The following PSMB1 variants were observed in gnomAD, a reference collection of about 807,000 sequenced individuals.
PSMB1 encodes the protein proteasome 20S subunit beta 1, also known as proteasome subunit beta type-1.
A neutral mutation model predicts 25.4 loss-of-function variants in PSMB1; 7 were observed. That is an observed-to-expected ratio of 0.28 (90% CI 0.16 to 0.52). The LOEUF (loss-of-function observed/expected upper bound fraction) is 0.52. PSMB1 is among the 20% of genes least tolerant of loss of function. The probability of loss-of-function intolerance (pLI) is 0.97; values close to 1 mark genes in which losing one functional copy is unlikely to be tolerated. For synonymous variants in PSMB1, 119 were observed against 115.0 expected (o/e 1.03, Z -0.22); for missense variants, 284 against 302.2 (o/e 0.94, Z 0.45).
At position 170,553,135 on chromosome 6, in the gene PSMB1, G is replaced by C; in HGVS notation, c.108C>G (p.Asn36Lys). ...CAGCTCTCTGGGGTTTTTACCCTCC[G>C]TTGAAAACGTAGGGCGAAAATCGCA... The part of the protein sequence containing the change: ...LQLRFSPYVF[N>K]GGTILAIAGE... The change falls in exon 1 of 6, where the codon AAC becomes AAG. Residue 36 changes from asparagine (N) to lysine (K), a missense_variant. Asn to Lys is a moderately conservative substitution (Grantham distance 94, BLOSUM62 0). Transcript: ENST00000262193. 6.2e-7 allele frequency: 1 copy of C among 1,609,876 alleles called. No individual in the cohort carries two copies. The highest frequency in any genetic ancestry group is 8.5e-7 in the Non-Finnish European group (1 of 1,177,882).
At chr6:170,550,904 AGGGG>A (rs11360199) in intron 1 of PSMB1, among the ~76,000 whole-genome samples, 5,685 of 76,112 alleles carry the variant, frequency 0.075, 243 homozygotes, top group Middle Eastern at 0.14. Flanking sequence ...TGGGAGGCTG[AGGGG>A]GGGGGGGGGG....
At chr6:170,546,028 C>T (rs1778812620) in intron 3 of PSMB1, 75 bp downstream of exon 3, 12 of 1,271,616 alleles carry the variant, frequency 9.4e-6, no homozygotes, top group South Asian at 9.0e-5. Flanking sequence ...GACCAACAGT[C>T]ATGCTGTAGG....
chr6:170,544,193 C>A (rs1028437280), intron 3 of PSMB1, among the ~76,000 whole-genome samples: 1 of 149,254 alleles, frequency 6.7e-6, no homozygotes, highest in African/African-American at 2.5e-5. Flanking sequence ...GCCCATAAAG[C>A]TGTAAATATT....
At chr6:170,536,978 G>A (rs1253630994) in intron 5 of PSMB1, among the ~76,000 whole-genome samples, 2 of 152,100 alleles carry the variant, frequency 1.3e-5, no homozygotes, top group Non-Finnish European at 2.9e-5. Context: ...TAAAAGAGTT[G>A]GAAGCCATGA....
Position 170,553,149 on chromosome 6 carries a change from G to T in PSMB1, c.94C>A (p.Pro32Thr), listed in dbSNP as rs1028100975. 5 of 1,612,768 alleles carry T rather than the reference G, an allele frequency of 3.1e-6. No individual in the cohort carries two copies. In the African/African-American group the frequency reaches 6.7e-5, roughly 22 times the overall value. ...AAGPLQLRFSPYVFNGGTILA... is the reference protein window; with the variant it reads ...AAGPLQLRFSTYVFNGGTILA... ...TTTTACCCTCCGTTGAAAACGTAGG[G>T]CGAAAATCGCAGCTGCAAAGGGCCC... Residue 32 changes from proline (P) to threonine (T), a missense_variant, in exon 1 of 6, where the codon CCC (proline) becomes ACC (threonine). Physicochemically the swap from Pro to Thr is conservative, Grantham distance 38 (BLOSUM62 -1). Transcript: ENST00000262193.
intron 5 of PSMB1, chr6:170,536,539 A>G: frequency 2.2e-6 from 1 of 454,406 alleles, no homozygotes; most frequent in Non-Finnish European, 4.4e-6. Flanking sequence ...GTTGTCCACC[A>G]CTCCAGACAG....
At chr6:170,550,031 C>T (rs1778871722) in intron 1 of PSMB1, 1 of 152,124 alleles carries the variant, frequency 6.6e-6, no homozygotes. Flanking sequence ...ACCTGTGTCA[C>T]AAGGTGTGTA....
chr6:170,541,026 G>C (rs1778752995), intron 4 of PSMB1, among the ~76,000 whole-genome samples: 1 of 152,066 alleles, frequency 6.6e-6, no homozygotes, highest in South Asian at 2.1e-4. Flanking sequence ...CAGAACACCA[G>C]GGTAAAGAAA....
Position 170,535,246 on chromosome 6 carries a change from C to T in PSMB1, c.700G>A (p.Glu234Lys), listed in dbSNP as rs141407576. ...CIVTKEGIREETVSLRKD is the reference protein window; with the variant it reads ...CIVTKEGIREKTVSLRKD ...CAGTCCTTCCTTAAGGAAACAGTTT[C>T]CTCCCTGATGCCCTCTTTGGTCACT... is the stretch of plus-strand genomic sequence containing the variant. Residue 234 changes from glutamate (E) to lysine (K), a missense_variant, in exon 6 of 6, where the codon GAA becomes AAA. Physicochemically the swap from Glu to Lys is moderately conservative, Grantham distance 56 (BLOSUM62 1). Transcript: ENST00000262193. The T allele has an allele frequency of 2.5e-6, 4 of 1,614,140 alleles. 1 individual carries two copies. The Admixed American group carries it at 5.0e-5, about 20-fold the overall frequency.
At position 170,537,090 on chromosome 6, in the gene PSMB1, C is replaced by G. The variant is rs1054131649; in HGVS notation, c.540+144G>C. On this transcript the variant is annotated intron_variant, in intron 5 of 5. Coordinates refer to ENST00000262193, the MANE Select transcript of PSMB1 (RefSeq NM_002793.4). ...ATGAGGTTTCTGTAGGACACGTCTG[C>G]CAAACTCAAACAGTAATTTATAAGA... 9.2e-6 allele frequency: 6 copies of G among 650,012 alleles called. No homozygotes were observed. In the South Asian group the frequency reaches 1.1e-4, roughly 12 times the overall value. The allele number at this position is 650,012 out of a possible 1,614,324, so 40.3% of individuals were successfully genotyped here. A position where few individuals can be genotyped will look rare whatever the true frequency, so the allele number is the denominator to read the frequency against.
chr6:170,535,505 A>G, intron 5 of PSMB1, 100 bp from the exon 6 acceptor site: 1 of 1,037,242 alleles, frequency 9.6e-7, no homozygotes, highest in Non-Finnish European at 1.4e-6. Context: ...AGGATTTGTG[A>G]TGAAAATACT....
chr6:170,551,295 TG>T (rs1778898339), intron 1 of PSMB1, among the ~76,000 whole-genome samples: 1 of 152,156 alleles, frequency 6.6e-6, no homozygotes, highest in African/African-American at 2.4e-5. Flanking sequence ...GAGGCAGAAC[TG>T]GAAAACCAGA....
At chr6:170,546,253 T>A in intron 2 of PSMB1, 69 bp from the exon 3 acceptor site, 4 of 1,294,804 alleles carry the variant, frequency 3.1e-6, no homozygotes, top group Non-Finnish European at 4.4e-6. Context: ...TCGGCAATTT[T>A]AAATTTAAAA....
intron 1 of PSMB1, 106 bp downstream of exon 1, chr6:170,553,024 G>C (rs926382034): frequency 1.0e-6 from 1 of 969,924 alleles, no homozygotes; most frequent in Non-Finnish European, 1.6e-6. Flanking sequence ...GGGTTCTGAG[G>C]CCTGCAGGAG....
chr6:170,551,241 G>C (rs953738204), intron 1 of PSMB1, among the ~76,000 whole-genome samples: 3 of 152,168 alleles, frequency 2.0e-5, no homozygotes, highest in African/African-American at 7.2e-5. Context: ...AGAAAAACCA[G>C]TTAAAAATGT....
chr6:170,536,260 T>C (rs923962918), intron 5 of PSMB1: 28 of 391,698 alleles, frequency 7.1e-5, no homozygotes, highest in African/African-American at 5.3e-4. Flanking sequence ...CACAAATGTA[T>C]AAACTATATG....
intron 4 of PSMB1, among the ~76,000 whole-genome samples, chr6:170,538,425 G>C (rs1473500055): frequency 6.6e-6 from 1 of 152,186 alleles, no homozygotes; most frequent in East Asian, 1.9e-4. Context: ...ACTTGGCCAG[G>C]CGCGGTGGCT....
At chr6:170,543,802 A>G in intron 3 of PSMB1, 72 bp from the exon 4 acceptor site, 2 of 1,370,792 alleles carry the variant, frequency 1.5e-6, no homozygotes, top group South Asian at 1.6e-5. Context: ...TCAACAGTAT[A>G]AAGTGAATAA....
At chr6:170,543,090 G>C (rs1297801708) in intron 4 of PSMB1, among the ~76,000 whole-genome samples, 2 of 152,140 alleles carry the variant, frequency 1.3e-5, no homozygotes, top group Admixed American at 1.3e-4. Flanking sequence ...AACAAAAATG[G>C]GATGGAATAT....
Sources: allele counts gnomAD v4.1 joint callset (sites outside exome capture counted in the v4.1 genomes callset), GRCh38; gene constraint gnomAD v4.1.1; transcripts MANE v1.5; gene names NCBI Gene and HGNC (gene_info 2026-07-23, HGNC 2026-07-21).